Variants in WDR5 observed in about 807,000 individuals in gnomAD.
WDR5 encodes the protein WD repeat-containing protein 5.
For missense variants in WDR5, 187 were observed against 416.9 expected, an observed-to-expected ratio of 0.45 and a Z score of 4.80; for synonymous variants, 144 against 161.6, an observed-to-expected ratio of 0.89 and a Z score of 0.83.
intron 7 of WDR5, among the ~76,000 whole-genome samples, chr9:134,143,728 C>A (rs189766814): frequency 6.6e-6 from 1 of 151,588 alleles, no homozygotes; most frequent in Non-Finnish European, 1.5e-5. Flanking sequence ...GGGGTTTCAC[C>A]GTGGTTTCGA....
intron 7 of WDR5, among the ~76,000 whole-genome samples, chr9:134,145,100 T>TTTTTTTTTTTTTTTG: frequency 8.6e-6 from 1 of 116,946 alleles, no homozygotes; most frequent in African/African-American, 3.9e-5. Context: ...GGCTTTGTTT[T>TTTTTTTTTTTTTTTG]TTTTTTTTTT....
At chr9:134,150,621 G>T (rs1832441066) in intron 8 of WDR5, among the ~76,000 whole-genome samples, 1 of 152,200 alleles carries the variant, frequency 6.6e-6, no homozygotes, top group African/African-American at 2.4e-5. Context: ...TTGTAGATAT[G>T]TTTGCATGTT....
chr9:134,143,612 C>T (rs1415935056), intron 7 of WDR5, among the ~76,000 whole-genome samples: 5 of 151,610 alleles, frequency 3.3e-5, no homozygotes, highest in Non-Finnish European at 5.9e-5. Flanking sequence ...CTGCAAGCTC[C>T]GCCTCCCGGG....
chr9:134,146,095 G>C (rs1335150105), intron 7 of WDR5, among the ~76,000 whole-genome samples: 1 of 151,888 alleles, frequency 6.6e-6, no homozygotes, highest in East Asian at 1.9e-4. Context: ...CTCCTGAGTA[G>C]CTGGGACTAC....
chr9:134,145,575 G>A (rs903192181), intron 7 of WDR5, among the ~76,000 whole-genome samples: 4 of 152,236 alleles, frequency 2.6e-5, no homozygotes, highest in African/African-American at 9.6e-5. Context: ...GTGCGGGATG[G>A]CTTTGGAGGG....
At chr9:134,152,137 G>A (rs769575444) in intron 9 of WDR5, 108 bp downstream of exon 9, 18 of 1,325,548 alleles carry the variant, frequency 1.4e-5, no homozygotes, top group Non-Finnish European at 1.8e-5. Flanking sequence ...CCCTGGGTCC[G>A]CCCCTGCAGG....
intron 7 of WDR5, among the ~76,000 whole-genome samples, chr9:134,144,003 T>G (rs757286521): frequency 6.6e-6 from 1 of 152,272 alleles, no homozygotes; most frequent in Non-Finnish European, 1.5e-5. Context: ...ATGCAGCATT[T>G]GTCCCATGCT....
intron 12 of WDR5, 68 bp downstream of exon 12, chr9:134,155,835 A>G (rs924463509): frequency 6.8e-7 from 1 of 1,479,434 alleles, no homozygotes; most frequent in African/African-American, 1.4e-5. Flanking sequence ...CACACCTGTT[A>G]CAGGTTGCTT....
intron 8 of WDR5, among the ~76,000 whole-genome samples, chr9:134,150,482 C>T (rs1485757110): frequency 6.6e-6 from 1 of 152,146 alleles, no homozygotes. Flanking sequence ...TGCTGAAACT[C>T]TTTCTATGAA....
At chr9:134,141,691 C>T (rs1831896199) in intron 4 of WDR5, 108 bp downstream of exon 4, 7 of 1,236,868 alleles carry the variant, frequency 5.7e-6, no homozygotes, top group Non-Finnish European at 8.0e-6. Flanking sequence ...TAAGTTTTCC[C>T]CGTTTTTTAA....
At chr9:134,148,840 G>A (rs1276741609) in intron 8 of WDR5, among the ~76,000 whole-genome samples, 3 of 152,206 alleles carry the variant, frequency 2.0e-5, no homozygotes, top group Non-Finnish European at 4.4e-5. Context: ...CTCAGCAGGT[G>A]TTTGTAGTGC....
At chr9:134,154,236 G>T (rs77233739) in intron 9 of WDR5, among the ~76,000 whole-genome samples, 7,574 of 152,076 alleles carry the variant, frequency 0.05, 262 homozygotes, top group Non-Finnish European at 0.077. Context: ...TAAAGTCCTG[G>T]TGTCAAGGGG....
At chr9:134,138,970 G>C (rs34022301) in intron 1 of WDR5, among the ~76,000 whole-genome samples, 3,040 of 152,268 alleles carry the variant, frequency 0.02, 46 homozygotes, top group Middle Eastern at 0.031. Flanking sequence ...GAGATGTATT[G>C]AAGTAATGAA....
At chr9:134,141,665 C>A in intron 4 of WDR5, 82 bp downstream of exon 4, 1 of 1,405,990 alleles carries the variant, frequency 7.1e-7, no homozygotes, top group African/African-American at 1.4e-5. Context: ...GCTTCGAGAG[C>A]TGTGGGTTCA....
rs1831531599 is a variant in WDR5, at chr9:134,136,100, C to A, written c.-159C>A. 6.7e-6 allele frequency: 1 copy of A among 149,580 alleles called. No individual in the cohort carries two copies. The highest frequency in any genetic ancestry group is 1.5e-5 in the Non-Finnish European group (1 of 67,146). The allele number at this position is 149,580 out of a possible 1,614,324, so 9.3% of individuals were successfully genotyped here. On this transcript the variant is annotated 5_prime_UTR_variant, in exon 1 of 14. Transcript: ENST00000358625. ...GCACTGCGCCCCCGCCGCCTGGCGC[C>A]CGCCCGAGCTGCCGCCTTGTCGAGC...
chr9:134,158,172 TA>T lies in WDR5; in HGVS notation c.*183del. The T allele has an allele frequency of 1.7e-6, 1 of 571,532 alleles. No individual in the cohort carries two copies. Among genetic ancestry groups the T allele is most frequent in the South Asian group, 2.2e-5 (1 of 45,180 alleles). The allele number at this position is 571,532 out of a possible 1,614,324, so 35.4% of individuals were successfully genotyped here. On this transcript the variant is annotated 3_prime_UTR_variant, in exon 14 of 14. Transcript: ENST00000358625. ...AAGGTGTGGACCACCGGAAAGTTCTTAAAAGTTGCTGGTGACATTTCTTGCC... is the reference window on the plus strand; with the variant it reads ...AAGGTGTGGACCACCGGAAAGTTCTTAAAGTTGCTGGTGACATTTCTTGCC...
At chr9:134,156,634 T>C in intron 13 of WDR5, 41 bp downstream of exon 13, 1 of 1,601,424 alleles carries the variant, frequency 6.2e-7, no homozygotes, top group Non-Finnish European at 8.6e-7. Context: ...TGCCTGTTGA[T>C]GTGAGGACAG....
chr9:134,137,158 C>T (rs1431666703), intron 1 of WDR5, among the ~76,000 whole-genome samples: 1 of 152,166 alleles, frequency 6.6e-6, no homozygotes, highest in Non-Finnish European at 1.5e-5. Flanking sequence ...CGGCCTGTGG[C>T]ATGCAGTCCA....
At chr9:134,145,096 G>GTTGTTTTTT (rs1554726635) in intron 7 of WDR5, among the ~76,000 whole-genome samples, 6 of 104,664 alleles carry the variant, frequency 5.7e-5, no homozygotes, top group African/African-American at 1.7e-4. Context: ...GTGGGGCTTT[G>GTTGTTTTTT]TTTTTTTTTT....
Sources: gnomAD v4.1 joint callset for allele counts (sites outside exome capture counted in the v4.1 genomes callset) on GRCh38, gnomAD v4.1.1 for gene constraint, MANE v1.5 for transcripts, NCBI Gene and HGNC (gene_info 2026-07-23, HGNC 2026-07-21) for gene names.